The following NLGN4X variants were observed in gnomAD, a reference collection of about 807,000 sequenced individuals.
The protein encoded by NLGN4X is neuroligin 4 X-linked.
NLGN4X carries 3 observed loss-of-function variants against 40.3 expected under a neutral mutation model. The observed-to-expected ratio is 0.07, with a 90% CI of 0.03 to 0.19. NLGN4X has a LOEUF of 0.19. Ranked by LOEUF, NLGN4X falls within the 10% of genes least tolerant of loss-of-function variation. NLGN4X has a pLI of 1.00. For synonymous variants in NLGN4X, 270 were observed against 306.8 expected (o/e 0.88, Z 1.25); for missense variants, 382 against 708.3 (o/e 0.54, Z 5.23).
intron 1 of NLGN4X, among the ~76,000 whole-genome samples, chrX:6,190,183 C>A (rs759362855): frequency 9.0e-6 from 1 of 110,778 alleles, no homozygotes; most frequent in South Asian, 3.8e-4. Flanking sequence ...TTGTTTATGG[C>A]AGGAAATATG....
chrX:6,177,324 A>T (rs187544258), intron 1 of NLGN4X, among the ~76,000 whole-genome samples: 2 of 110,803 alleles, frequency 1.8e-5, no homozygotes, highest in African/African-American at 6.6e-5. Flanking sequence ...ATGCCTGGCT[A>T]ATTTTTGTAT....
At chrX:6,084,239 G>A (rs1212414464) in intron 2 of NLGN4X, among the ~76,000 whole-genome samples, 1 of 112,257 alleles carries the variant, frequency 8.9e-6, no homozygotes, top group Non-Finnish European at 1.9e-5. Context: ...AGATTTGTTA[G>A]CATAAAATTG....
chrX:6,110,155 G>A (rs1185309696), intron 2 of NLGN4X, among the ~76,000 whole-genome samples: 3 of 112,057 alleles, frequency 2.7e-5, no homozygotes, highest in African/African-American at 9.7e-5. Context: ...TGGAATTATA[G>A]TAATATCTCC....
intron 3 of NLGN4X, among the ~76,000 whole-genome samples, chrX:5,996,668 G>C (rs1317321418): frequency 2.9e-5 from 3 of 103,825 alleles, no homozygotes; most frequent in Non-Finnish European, 5.8e-5. Context: ...GCGTGATCTT[G>C]GCTCACTGCA....
chrX:6,084,830 C>G (rs769465967), intron 2 of NLGN4X, among the ~76,000 whole-genome samples: 29 of 110,701 alleles, frequency 2.6e-4, no homozygotes, highest in Non-Finnish European at 4.7e-4. Flanking sequence ...CTTGCCAGAT[C>G]ATGGTGCCTT....
intron 2 of NLGN4X, among the ~76,000 whole-genome samples, chrX:6,080,999 A>T (rs1227667044): frequency 9.1e-6 from 1 of 110,120 alleles, no homozygotes; most frequent in Non-Finnish European, 1.9e-5. Context: ...AAAAAAAAAA[A>T]TTATAGAGGC....
intron 3 of NLGN4X, among the ~76,000 whole-genome samples, chrX:5,926,513 T>G (rs762697135): frequency 1.8e-5 from 2 of 110,864 alleles, no homozygotes; most frequent in South Asian, 7.8e-4. Context: ...ATTCTTTTAT[T>G]GATCAAGATT....
intron 3 of NLGN4X, among the ~76,000 whole-genome samples, chrX:5,958,418 C>A (rs1485618027): frequency 9.0e-6 from 1 of 110,945 alleles, no homozygotes; most frequent in African/African-American, 3.3e-5. Flanking sequence ...ATAGCAAGTC[C>A]ATCTCCTTAA....
At chrX:6,012,552 T>C (rs1192076841) in intron 3 of NLGN4X, among the ~76,000 whole-genome samples, 2 of 111,544 alleles carry the variant, frequency 1.8e-5, no homozygotes, top group Non-Finnish European at 1.9e-5. Context: ...GTGGAGTGGG[T>C]TGCGTAATAT....
At chrX:5,966,332 T>C (rs776663063) in intron 3 of NLGN4X, among the ~76,000 whole-genome samples, 1 of 112,557 alleles carries the variant, frequency 8.9e-6, no homozygotes, top group African/African-American at 3.2e-5. Context: ...TTAGCTTAAA[T>C]ATTAATAAAC....
chrX:6,119,454 G>GA (rs1356071687), intron 2 of NLGN4X, among the ~76,000 whole-genome samples: 3 of 111,791 alleles, frequency 2.7e-5, no homozygotes, highest in Admixed American at 9.5e-5. Context: ...ATAACCACAT[G>GA]AAAAAAATCA....
intron 5 of NLGN4X, among the ~76,000 whole-genome samples, chrX:5,897,002 T>C (rs2031530043): frequency 9.0e-6 from 1 of 111,620 alleles, no homozygotes; most frequent in Admixed American, 9.6e-5. Context: ...AAATTAATCA[T>C]AGGATACCAG....
intron 1 of NLGN4X, among the ~76,000 whole-genome samples, chrX:6,208,883 T>C (rs1412656228): frequency 8.9e-6 from 1 of 111,925 alleles, no homozygotes; most frequent in African/African-American, 3.2e-5. Context: ...CTACTGGGTA[T>C]CTACGCAAAT....
At chrX:6,056,351 C>T (rs2037627370) in intron 2 of NLGN4X, among the ~76,000 whole-genome samples, 1 of 110,625 alleles carries the variant, frequency 9.0e-6, no homozygotes. Flanking sequence ...TGGTGCATGC[C>T]TGTAGTCCCA....
At chrX:6,155,858 T>G (rs1569270698) in intron 1 of NLGN4X, among the ~76,000 whole-genome samples, 2 of 112,109 alleles carry the variant, frequency 1.8e-5, no homozygotes, top group Admixed American at 1.9e-4. Flanking sequence ...CATCTCACAC[T>G]AGTCAGAATG....
intron 1 of NLGN4X, among the ~76,000 whole-genome samples, chrX:6,174,748 G>A (rs997402535): frequency 7.2e-5 from 8 of 111,364 alleles, no homozygotes; most frequent in Admixed American, 4.8e-4. Context: ...GAGAAAACAC[G>A]GAAATAAAGA....
At chrX:6,023,268 C>G in intron 3 of NLGN4X, among the ~76,000 whole-genome samples, 1 of 111,748 alleles carries the variant, frequency 8.9e-6, no homozygotes, top group South Asian at 3.7e-4. Flanking sequence ...CACCGTGAAC[C>G]AAAGCAAACC....
At chrX:6,211,857 C>T (rs926805737) in intron 1 of NLGN4X, among the ~76,000 whole-genome samples, 3 of 111,838 alleles carry the variant, frequency 2.7e-5, no homozygotes, top group African/African-American at 9.7e-5. Flanking sequence ...GAATGATGAT[C>T]CAGTTTTACA....
chrX:6,096,849 A>G (rs2038788519), intron 2 of NLGN4X, among the ~76,000 whole-genome samples: 2 of 111,338 alleles, frequency 1.8e-5, no homozygotes, highest in Non-Finnish European at 1.9e-5. Context: ...CAGAAAAATC[A>G]TGGGTTGTTT....
Sources: allele counts gnomAD v4.1 joint callset (sites outside exome capture counted in the v4.1 genomes callset), GRCh38; gene constraint gnomAD v4.1.1; transcripts MANE v1.5; gene names NCBI Gene and HGNC (gene_info 2026-07-23, HGNC 2026-07-21).